TRPM2: variants seen among roughly 807,000 people sequenced by gnomAD.
TRPM2 encodes the protein transient receptor potential cation channel subfamily M member 2.
Under a neutral mutation model 174.0 loss-of-function variants are expected in TRPM2, and 161 were observed. The ratio of observed to expected loss-of-function variants is 0.93; its 90% CI spans 0.81 to 1.05. The LOEUF (loss-of-function observed/expected upper bound fraction) is 1.05, where lower values mean the gene tolerates loss of function less well. Among genes scored for constraint, TRPM2 ranks in the 50% least tolerant of loss-of-function variants. The pLI, the probability that TRPM2 is intolerant of heterozygous loss-of-function variation, is 0.00. For missense variants in TRPM2, 2,057 were observed against 2,038.0 expected (o/e 1.01, Z -0.18); for synonymous variants, 954 against 861.3 (o/e 1.11, Z -1.88).
chr21:44,405,307 C>A (rs1390030915), intron 17 of TRPM2, 47 bp downstream of exon 17: 1 of 1,606,636 alleles, frequency 6.2e-7, no homozygotes, highest in Admixed American at 1.7e-5. Flanking sequence ...GCAGCCAGCC[C>A]TGCAGGGGAT....
chr21:44,406,068 G>T (rs1428340482), intron 18 of TRPM2, 31 bp downstream of exon 18: 1 of 1,599,054 alleles, frequency 6.3e-7, no homozygotes, highest in Non-Finnish European at 8.5e-7. Context: ...GCTCCATCGC[G>T]GCCTGCAGCC....
intron 2 of TRPM2, among the ~76,000 whole-genome samples, chr21:44,363,485 A>G (rs895885934): frequency 1.4e-5 from 2 of 145,308 alleles, no homozygotes; most frequent in Middle Eastern, 3.5e-3. Flanking sequence ...TGAGTTTTTT[A>G]TTTCAGTTAC....
rs920336189 is a variant in TRPM2 at position 44,427,060 on chromosome 21, G to A, written c.3923G>A (p.Arg1308Lys). 3.1e-6 allele frequency: 5 copies of A among 1,607,660 alleles called. No individual in the cohort carries two copies. The African/African-American group carries it at 5.3e-5, about 17-fold the overall frequency. ...CAGTACAACGTGGTGGATGGCCTGA[G>A]GGACCGCCGGAGCTTCCACGGGCCG... is the stretch of plus-strand genomic sequence containing the variant. ...TIQYNVVDGL[R>K]DRRSFHGPYT... Residue 1308 changes from arginine (R) to lysine (K), a missense_variant, in exon 27 of 32, where the codon AGG becomes AAG. By Grantham distance (26) the Arg-to-Lys change is conservative. Coordinates refer to ENST00000397928, the MANE Select transcript of TRPM2 (RefSeq NM_003307.4).
Position 44,439,684 on chromosome 21 carries a change from A to C in TRPM2, c.4269+516A>C, listed in dbSNP as rs2051418329. 6.6e-6 allele frequency among the ~76,000 whole-genome samples: 1 copy of C among 152,108 alleles called. No individual in the cohort carries two copies. The highest frequency in any genetic ancestry group is 2.4e-5 in the African/African-American group (1 of 41,424). ...CTCGATCTTTCCTTAGAAAGCCTCC[A>C]TCTCCAGCTCTCTCACACAAATGCA... On this transcript the variant is annotated intron_variant, in intron 30 of 31. Coordinates refer to ENST00000397928, the MANE Select transcript of TRPM2 (RefSeq NM_003307.4). This position sits in a 1 kb window ranked among gnomAD's most constrained non-coding sequence, Gnocchi z 5.1.
chr21:44,398,185 C>T (rs1380148460), intron 13 of TRPM2, among the ~76,000 whole-genome samples: 3 of 147,182 alleles, frequency 2.0e-5, no homozygotes, highest in South Asian at 4.3e-4. Context: ...CCAAATCAGT[C>T]TCCCTGAAAA....
chr21:44,437,823 C>T (rs552855662), intron 29 of TRPM2, among the ~76,000 whole-genome samples: 5 of 152,380 alleles, frequency 3.3e-5, no homozygotes, highest in South Asian at 2.1e-4. Context: ...CCCTCCAGCC[C>T]GCTCACTGCA....
intron 20 of TRPM2, among the ~76,000 whole-genome samples, chr21:44,416,892 G>A (rs1259342304): frequency 7.0e-6 from 1 of 142,334 alleles, no homozygotes; most frequent in Admixed American, 7.3e-5. Flanking sequence ...GTGTGGCTCT[G>A]CTCTCTGTGG....
At chr21:44,441,294 C>T (rs978738942) in intron 31 of TRPM2, among the ~76,000 whole-genome samples, 3 of 152,126 alleles carry the variant, frequency 2.0e-5, no homozygotes, top group Non-Finnish European at 4.4e-5. Flanking sequence ...AGGGAGGCCT[C>T]GAAGATGGCA....
chr21:44,409,358 G>A (rs1357638524), intron 19 of TRPM2, among the ~76,000 whole-genome samples: 1 of 152,174 alleles, frequency 6.6e-6, no homozygotes, highest in Non-Finnish European at 1.5e-5. Context: ...CCCCAGTGAA[G>A]CATCTTGGCA....
In TRPM2 at chr21:44,414,085, G is replaced by C; in HGVS notation, c.3146+11G>C. 1 of 1,606,322 alleles carries C rather than the reference G, an allele frequency of 6.2e-7. No individual in the cohort carries two copies. Among genetic ancestry groups the C allele is most frequent in the Non-Finnish European group, 8.5e-7 (1 of 1,175,986 alleles). On this transcript the variant is annotated intron_variant, in intron 20 of 31. Coordinates refer to ENST00000397928, the MANE Select transcript of TRPM2 (RefSeq NM_003307.4). ...CATCGCCATGTTCAAGTGAGCGCCT[G>C]GGTGGGGCTGGCGTGCAGGTGGGTG...
intron 8 of TRPM2, among the ~76,000 whole-genome samples, chr21:44,382,382 G>T (rs1468869866): frequency 6.6e-6 from 1 of 152,202 alleles, no homozygotes; most frequent in Admixed American, 6.5e-5. Flanking sequence ...TAGACAGATA[G>T]ATAGGCAGGT....
Position 44,399,859 on chromosome 21 carries a change from C to T in TRPM2, c.2209-400C>T, listed in dbSNP as rs370769380. 7.9e-5 allele frequency among the ~76,000 whole-genome samples: 12 copies of T among 152,306 alleles called. No homozygotes were observed. The East Asian group carries it at 2.3e-3, about 29-fold the overall frequency. ...CCCTGGAACCCCCGGCAGGGCCTGG[C>T]TCCCAGCGAGTGCCCCTTGCACGCT... On this transcript the variant is annotated intron_variant, in intron 14 of 31. Coordinates refer to ENST00000397928, the MANE Select transcript of TRPM2 (RefSeq NM_003307.4). The surrounding 1 kb of genome is among the most constrained non-coding windows in gnomAD (Gnocchi z 4.6).
Position 44,354,565 on chromosome 21 carries a change from CAAG to C in TRPM2, c.166-82_166-80del, listed in dbSNP as rs1431514661. On this transcript the variant is annotated intron_variant, in intron 1 of 31. Transcript: ENST00000397928. The surrounding 1 kb of genome is among the most constrained non-coding windows in gnomAD (Gnocchi z 4.3). ...TCAAGCAAATAGTGTGAAAGCTCCT[CAAG>C]GAGCTCAGATGTGTCTCCAGGGGGC... 4.0e-6 allele frequency: 5 copies of C among 1,243,492 alleles called. No individual in the cohort carries two copies. In the East Asian group the frequency reaches 9.3e-5, roughly 23 times the overall value. 77.0% of individuals were successfully genotyped at this position (1,243,492 alleles called of 1,614,324 possible). A position where few individuals can be genotyped will look rare whatever the true frequency, so the allele number is the denominator to read the frequency against.
At chr21:44,384,121 G>GA in intron 9 of TRPM2, among the ~76,000 whole-genome samples, 1 of 152,084 alleles carries the variant, frequency 6.6e-6, no homozygotes, top group Non-Finnish European at 1.5e-5. Flanking sequence ...ACTGGACTAA[G>GA]AAAAAAGAAA....
chr21:44,353,324 G>A (rs1232090706), upstream of TRPM2: 1 of 171,838 alleles, frequency 5.8e-6, no homozygotes, highest in Non-Finnish European at 1.2e-5. Context: ...ACTTCCCTGT[G>A]CGGTGCTCAG....
rs531419224 is a variant in TRPM2 at position 44,424,046 on chromosome 21, C to T, written c.3549+314C>T. 2.6e-5 allele frequency among the ~76,000 whole-genome samples: 4 copies of T among 152,190 alleles called. No homozygotes were observed. The East Asian group carries it at 7.7e-4, about 29-fold the overall frequency. On this transcript the variant is annotated intron_variant, in intron 23 of 31. Transcript: ENST00000397928. Reference sequence around the variant, plus strand: ...CCAGGGAGGCTGTGGGACTCTGTGCCTGAGCCCTGGAGAGGCCGCAAGACC... The same window carrying T: ...CCAGGGAGGCTGTGGGACTCTGTGCTTGAGCCCTGGAGAGGCCGCAAGACC...
chr21:44,404,382 C>CACACAT (rs57954321), intron 16 of TRPM2, among the ~76,000 whole-genome samples: 5,883 of 151,544 alleles, frequency 0.039, 318 homozygotes, highest in African/African-American at 0.12. Flanking sequence ...CACATACATA[C>CACACAT]ACACACATAT....
chr21:44,417,838 T>C, intron 20 of TRPM2, 89 bp from the exon 21 acceptor site: 7 of 1,401,836 alleles, frequency 5.0e-6, no homozygotes, highest in Non-Finnish European at 6.8e-6. Flanking sequence ...CTGCTCTCTG[T>C]GGCATCACAG....
chr21:44,368,550 G>C lies in TRPM2; in HGVS notation c.605-627G>C, dbSNP rs542741497. On this transcript the variant is annotated intron_variant, in intron 4 of 31. Coordinates refer to ENST00000397928, the MANE Select transcript of TRPM2 (RefSeq NM_003307.4). The stretch of plus-strand genomic sequence containing the variant: ...GAGTTCAAGCAATTCTCCTGCCTCA[G>C]CCTCCTGAGTAGCTGGGACTGCAGG... 3.8e-3 allele frequency among the ~76,000 whole-genome samples: 573 copies of C among 152,168 alleles called. 3 individuals are homozygous for C. The highest frequency in any genetic ancestry group is 0.013 in the African/African-American group (552 of 41,504).
Sources: allele counts gnomAD v4.1 joint callset (sites outside exome capture counted in the v4.1 genomes callset), GRCh38; gene constraint gnomAD v4.1.1; non-coding constraint Gnocchi (gnomAD v3.1); transcripts MANE v1.5; gene names NCBI Gene and HGNC (gene_info 2026-07-23, HGNC 2026-07-21).